The following KCND2 variants were observed in gnomAD, a reference collection of about 807,000 sequenced individuals.
KCND2 encodes the protein A-type voltage-gated potassium channel KCND2.
A neutral mutation model predicts 54.4 loss-of-function variants in KCND2; 16 were observed. The observed-to-expected ratio is 0.29, with a 90% CI of 0.20 to 0.45. The LOEUF (loss-of-function observed/expected upper bound fraction) is 0.45, where lower values mean the gene tolerates loss of function less well. Ranked by LOEUF, KCND2 falls within the 20% of genes least tolerant of loss-of-function variation. The pLI is 1.00. For missense variants in KCND2, 486 were observed against 824.2 expected (o/e 0.59, Z 5.02); for synonymous variants, 317 against 310.7 (o/e 1.02, Z -0.21).
intron 1 of KCND2, among the ~76,000 whole-genome samples, chr7:120,452,158 G>T (rs1802122972): frequency 6.6e-6 from 1 of 152,198 alleles, no homozygotes; most frequent in African/African-American, 2.4e-5. Context: ...AAATTGAAGA[G>T]CTATCAAGCG....
chr7:120,473,576 A>T (rs763699095), intron 1 of KCND2, among the ~76,000 whole-genome samples: 105 of 151,892 alleles, frequency 6.9e-4, no homozygotes, highest in Admixed American at 1.8e-3. Context: ...AGCAAATTTC[A>T]CTCAAACACC....
chr7:120,511,362 C>T (rs1427186702), intron 1 of KCND2, among the ~76,000 whole-genome samples: 1 of 152,010 alleles, frequency 6.6e-6, no homozygotes, highest in Non-Finnish European at 1.5e-5. Context: ...TTTTATCTGT[C>T]TTGTCCCTAA....
intron 1 of KCND2, among the ~76,000 whole-genome samples, chr7:120,660,949 G>A (rs1056127583): frequency 6.6e-6 from 1 of 152,062 alleles, no homozygotes; most frequent in East Asian, 1.9e-4. Context: ...TGTAGATAAG[G>A]CTTTCATTTA....
chr7:120,463,016 A>C (rs1016689423), intron 1 of KCND2, among the ~76,000 whole-genome samples: 7 of 152,082 alleles, frequency 4.6e-5, no homozygotes, highest in African/African-American at 1.7e-4. Context: ...TGCAGTAACA[A>C]ATCACAGCAT....
intron 1 of KCND2, among the ~76,000 whole-genome samples, chr7:120,365,547 C>T (rs1800662080): frequency 6.6e-6 from 1 of 152,104 alleles, no homozygotes; most frequent in Non-Finnish European, 1.5e-5. Context: ...ATGTTTATTA[C>T]AGCCAATGGT....
chr7:120,578,830 A>C (rs927266834), intron 1 of KCND2, among the ~76,000 whole-genome samples: 1 of 151,742 alleles, frequency 6.6e-6, no homozygotes, highest in Non-Finnish European at 1.5e-5. Flanking sequence ...GCACCATTGC[A>C]CTCCAGCCTG....
chr7:120,584,071 A>G (rs1792555816), intron 1 of KCND2, among the ~76,000 whole-genome samples: 1 of 152,228 alleles, frequency 6.6e-6, no homozygotes, highest in Non-Finnish European at 1.5e-5. Context: ...ATCAGTTTTT[A>G]TTCCCTTGAG....
intron 1 of KCND2, among the ~76,000 whole-genome samples, chr7:120,567,331 A>T (rs1003735446): frequency 1.3e-5 from 2 of 152,068 alleles, no homozygotes; most frequent in African/African-American, 4.8e-5. Flanking sequence ...CTCAGTAGGG[A>T]TGGTATTCTG....
intron 1 of KCND2, among the ~76,000 whole-genome samples, chr7:120,464,505 C>A (rs1207416348): frequency 6.6e-6 from 1 of 152,102 alleles, no homozygotes; most frequent in Non-Finnish European, 1.5e-5. Flanking sequence ...TGATGCCTAA[C>A]AAATTAACAT....
At chr7:120,715,777 C>T (rs931190105) in intron 1 of KCND2, among the ~76,000 whole-genome samples, 3 of 151,970 alleles carry the variant, frequency 2.0e-5, no homozygotes, top group Non-Finnish European at 4.4e-5. Flanking sequence ...AGTGACAACA[C>T]TTTATAGGAC....
intron 1 of KCND2, among the ~76,000 whole-genome samples, chr7:120,480,863 T>C (rs1802597268): frequency 6.6e-6 from 1 of 152,224 alleles, no homozygotes; most frequent in Non-Finnish European, 1.5e-5. Flanking sequence ...GCTGTTGCTA[T>C]AATGAATACT....
At chr7:120,673,614 TCTTACTACAGCCAGAATAAA>T (rs1417697879) in intron 1 of KCND2, among the ~76,000 whole-genome samples, 1 of 152,150 alleles carries the variant, frequency 6.6e-6, no homozygotes, top group African/African-American at 2.4e-5. Context: ...TGGTTTCCCA[TCTTACTACAGCCAGAATAAA>T]CTTACTACAG....
intron 1 of KCND2, among the ~76,000 whole-genome samples, chr7:120,495,400 A>T (rs571971713): frequency 5.9e-5 from 9 of 151,924 alleles, no homozygotes; most frequent in African/African-American, 2.2e-4. Flanking sequence ...TTACTTTATC[A>T]TTGTGAGATA....
intron 1 of KCND2, among the ~76,000 whole-genome samples, chr7:120,465,031 C>T (rs1390525543): frequency 6.6e-6 from 1 of 152,152 alleles, no homozygotes; most frequent in African/African-American, 2.4e-5. Flanking sequence ...ACATAATCAT[C>T]AGAGTAACAC....
chr7:120,689,213 G>A (rs1584884741), intron 1 of KCND2, among the ~76,000 whole-genome samples: 1 of 152,086 alleles, frequency 6.6e-6, no homozygotes, highest in African/African-American at 2.4e-5. Flanking sequence ...TTCTGGACAC[G>A]AAAAATGCAA....
At chr7:120,736,600 A>T (rs901053483) in intron 2 of KCND2, among the ~76,000 whole-genome samples, 1 of 152,034 alleles carries the variant, frequency 6.6e-6, no homozygotes, top group African/African-American at 2.4e-5. Flanking sequence ...ACCTGTGAGT[A>T]ATTATCATAT....
chr7:120,728,445 C>A (rs898118013), intron 1 of KCND2, among the ~76,000 whole-genome samples: 1 of 151,800 alleles, frequency 6.6e-6, no homozygotes, highest in South Asian at 2.1e-4. Flanking sequence ...GCATGTGCCA[C>A]CACACCCGGC....
intron 1 of KCND2, among the ~76,000 whole-genome samples, chr7:120,303,703 A>G (rs2116299946): frequency 6.6e-6 from 1 of 152,226 alleles, no homozygotes; most frequent in Middle Eastern, 3.4e-3. Context: ...TTGCTCTCCT[A>G]ATCATCCTTA....
At chr7:120,344,989 C>T (rs1800293340) in intron 1 of KCND2, among the ~76,000 whole-genome samples, 1 of 151,894 alleles carries the variant, frequency 6.6e-6, no homozygotes, top group Admixed American at 6.6e-5. Context: ...AAATGGTGGC[C>T]CAAAGGAAAA....
Sources: allele counts gnomAD v4.1 joint callset (sites outside exome capture counted in the v4.1 genomes callset), GRCh38; gene constraint gnomAD v4.1.1; transcripts MANE v1.5; gene names NCBI Gene and HGNC (gene_info 2026-07-23, HGNC 2026-07-21).